The following FAM174A variants were observed in gnomAD, a reference collection of about 807,000 sequenced individuals.
FAM174A encodes the protein family with sequence similarity 174 member A.
Under a neutral mutation model 14.3 loss-of-function variants are expected in FAM174A, and 14 were observed. The observed-to-expected ratio is 0.98, with a 90% CI of 0.65 to 1.53. FAM174A has a LOEUF of 1.53. Ranked by LOEUF, FAM174A falls within the 40% of genes most tolerant of loss-of-function variation. FAM174A has a pLI of 0.00. For missense variants in FAM174A, 241 were observed against 249.6 expected (o/e 0.97, Z 0.23); for synonymous variants, 108 against 111.4 (o/e 0.97, Z 0.19).
chr5:100,537,091 TGTA>T (rs1745955898), intron 1 of FAM174A, among the ~76,000 whole-genome samples: 1 of 152,232 alleles, frequency 6.6e-6, no homozygotes, highest in African/African-American at 2.4e-5. Flanking sequence ...CAAGTTTTGG[TGTA>T]GTAGTATCAT....
At chr5:100,551,572 C>A (rs972879908) in intron 1 of FAM174A, among the ~76,000 whole-genome samples, 4 of 152,174 alleles carry the variant, frequency 2.6e-5, no homozygotes, top group Non-Finnish European at 5.9e-5. Context: ...TTTCCTCTCT[C>A]TCTTTATCCT....
chr5:100,583,194 G>A (rs755066765), intron 2 of FAM174A, among the ~76,000 whole-genome samples: 6 of 152,190 alleles, frequency 3.9e-5, no homozygotes, highest in Non-Finnish European at 8.8e-5. Context: ...AGGCTGAAGA[G>A]AAGGAGGAAG....
intron 1 of FAM174A, among the ~76,000 whole-genome samples, chr5:100,544,417 GAGAGAGAGAGAGAGAGATCGAGAGAC>G (rs1194099866): frequency 6.6e-6 from 1 of 151,902 alleles, no homozygotes; most frequent in Admixed American, 6.6e-5. Flanking sequence ...TGGAGAGAGA[GAGAGAGAGAGAGAGAGATCGAGAGAC>G]AGAGAGAGAA....
intron 2 of FAM174A, among the ~76,000 whole-genome samples, chr5:100,574,797 A>G (rs1382672009): frequency 1.3e-5 from 2 of 152,180 alleles, no homozygotes; most frequent in Non-Finnish European, 2.9e-5. Context: ...GTTTTTCATA[A>G]AAGGGAATTT....
chr5:100,539,335 A>ATT (rs1580361402), intron 1 of FAM174A, among the ~76,000 whole-genome samples: 2 of 152,196 alleles, frequency 1.3e-5, no homozygotes, highest in East Asian at 3.8e-4. Context: ...AGATAAGTAC[A>ATT]TAAAGGATGC....
chr5:100,578,880 A>T (rs1024239012), intron 2 of FAM174A, among the ~76,000 whole-genome samples: 3 of 152,124 alleles, frequency 2.0e-5, no homozygotes, highest in African/African-American at 7.2e-5. Context: ...TGTGTTGCAT[A>T]CCTATTTCAA....
At chr5:100,568,529 ATAT>A (rs1314877575) in intron 2 of FAM174A, among the ~76,000 whole-genome samples, 1 of 151,300 alleles carries the variant, frequency 6.6e-6, no homozygotes, top group Non-Finnish European at 1.5e-5. Flanking sequence ...TGTACTTTAG[ATAT>A]TATCACTTCA....
At chr5:100,564,182 C>T (rs757120946) in intron 2 of FAM174A, among the ~76,000 whole-genome samples, 6 of 151,806 alleles carry the variant, frequency 4.0e-5, no homozygotes, top group Non-Finnish European at 5.9e-5. Flanking sequence ...TGCAGAACCA[C>T]GAGCCAATTA....
At chr5:100,544,563 G>T (rs996216394) in intron 1 of FAM174A, among the ~76,000 whole-genome samples, 3 of 152,178 alleles carry the variant, frequency 2.0e-5, no homozygotes, top group Admixed American at 6.5e-5. Context: ...AAAATGTGAG[G>T]TAGCTGTGTG....
At chr5:100,581,629 T>C (rs1258393011) in intron 2 of FAM174A, among the ~76,000 whole-genome samples, 2 of 152,130 alleles carry the variant, frequency 1.3e-5, no homozygotes, top group Admixed American at 6.5e-5. Context: ...TAAAAATAAT[T>C]CCAATTGGGC....
chr5:100,556,574 G>A (rs1049013802), intron 1 of FAM174A, among the ~76,000 whole-genome samples: 12 of 152,144 alleles, frequency 7.9e-5, no homozygotes, highest in African/African-American at 2.7e-4. Context: ...CTACCCATGA[G>A]CATGGAATGT....
rs60895683 is a variant in FAM174A at position 100,566,141 on chromosome 5, GATATATATATATATATAT to G, written c.569+3966_569+3983del. On this transcript the variant is annotated intron_variant, in intron 2 of 2. Transcript: ENST00000312637. ...ACAGATAAATGAATTTGAAAAGTAT[GATATATATATATATATAT>G]ATATATATATATGTACATATAATAT... Among the ~76,000 whole-genome samples, 84 of 81,802 alleles carry G rather than the reference GATATATATATATATATAT, an allele frequency of 1.0e-3. 1 individual carries two copies. Among genetic ancestry groups the G allele is most frequent in the African/African-American group, 3.1e-3 (75 of 24,326 alleles). The allele number at this position is 81,802 out of a possible 152,430, so 53.7% of individuals were successfully genotyped here.
intron 2 of FAM174A, among the ~76,000 whole-genome samples, chr5:100,583,650 T>G (rs1034164423): frequency 1.3e-5 from 2 of 152,030 alleles, no homozygotes; most frequent in African/African-American, 2.4e-5. Flanking sequence ...TTTTTTTTTT[T>G]GCAATATCCA....
rs764547900 is a variant in FAM174A, at chr5:100,535,958, C to A, written c.428C>A (p.Thr143Lys). Residue 143 changes from threonine to lysine, a missense_variant, in exon 1 of 3, where the codon ACG (threonine) becomes AAG (lysine). Physicochemically the swap from Thr to Lys is moderately conservative, Grantham distance 78. Coordinates refer to ENST00000312637, the MANE Select transcript of FAM174A (RefSeq NM_198507.3). ...GAVLVYFVVR[T>K]VRMRRRNRKT... The stretch of plus-strand genomic sequence containing the variant: ...GTGCTGGTGTACTTCGTGGTCAGGA[C>A]GGTCAGGTGAGGCAAAGCCTCGGTG... 1 of 1,577,176 alleles carries A rather than the reference C, an allele frequency of 6.3e-7. No homozygotes were observed. The highest frequency in any genetic ancestry group is 1.1e-5 in the South Asian group (1 of 87,802).
chr5:100,542,846 ATGTGTG>A lies in FAM174A; in HGVS notation c.434+6896_434+6901del, dbSNP rs147251634. Among the ~76,000 whole-genome samples the A allele has an allele frequency of 8.3e-3, 1,243 of 150,422 alleles. 26 individuals carry two copies. The highest frequency in any genetic ancestry group is 0.029 in the African/African-American group (1,189 of 40,934). ...CTGCTTATTATATTTATATATATATATGTGTGTGTGTGTGTGTGTATAATATTCACA... is the reference window on the plus strand; with the variant it reads ...CTGCTTATTATATTTATATATATATATGTGTGTGTGTGTATAATATTCACA... On this transcript the variant is annotated intron_variant, in intron 1 of 2. Coordinates refer to ENST00000312637, the MANE Select transcript of FAM174A (RefSeq NM_198507.3).
At chr5:100,544,658 G>A (rs1043913098) in intron 1 of FAM174A, among the ~76,000 whole-genome samples, 2 of 152,098 alleles carry the variant, frequency 1.3e-5, no homozygotes, top group African/African-American at 4.8e-5. Context: ...ATATATGCTT[G>A]TGCAGAGAAG....
chr5:100,550,424 T>C (rs2112372743), intron 1 of FAM174A, among the ~76,000 whole-genome samples: 1 of 152,260 alleles, frequency 6.6e-6, no homozygotes, highest in East Asian at 1.9e-4. Context: ...AATTTATATA[T>C]AAAAATTTAG....
intron 1 of FAM174A, among the ~76,000 whole-genome samples, chr5:100,545,380 T>C (rs559827314): frequency 6.6e-6 from 1 of 152,286 alleles, no homozygotes; most frequent in South Asian, 2.1e-4. Context: ...CGTTTTTGGA[T>C]AGATTTTTAT....
At chr5:100,552,387 T>C (rs1458184865) in intron 1 of FAM174A, among the ~76,000 whole-genome samples, 11 of 152,064 alleles carry the variant, frequency 7.2e-5, no homozygotes, top group Admixed American at 5.2e-4. Context: ...TATGTGTGTG[T>C]ATAGTAAATA....
Sources: allele counts gnomAD v4.1 joint callset (sites outside exome capture counted in the v4.1 genomes callset), GRCh38; gene constraint gnomAD v4.1.1; transcripts MANE v1.5; gene names NCBI Gene and HGNC (gene_info 2026-07-23, HGNC 2026-07-21).